TMEM92: variants seen among roughly 807,000 people sequenced by gnomAD.
TMEM92 encodes transmembrane protein 92.
A neutral mutation model predicts 14.6 loss-of-function variants in TMEM92; 15 were observed. The observed-to-expected ratio is 1.03, with a 90% CI of 0.69 to 1.58. TMEM92 has a LOEUF of 1.58. Ranked by LOEUF, TMEM92 falls within the 40% of genes most tolerant of loss-of-function variation. The pLI, the probability that TMEM92 is intolerant of heterozygous loss-of-function variation, is 0.00. For missense variants in TMEM92, 174 were observed against 202.4 expected (o/e 0.86, Z 0.85); for synonymous variants, 85 against 83.3 (o/e 1.02, Z -0.11).
rs1567789269 is a variant in TMEM92 at position 50,280,325 on chromosome 17, C to T, written c.*1017C>T. 1 of 152,210 alleles carries T rather than the reference C, an allele frequency of 6.6e-6. No homozygotes were observed. Among genetic ancestry groups the T allele is most frequent in the Non-Finnish European group, 1.5e-5 (1 of 68,064 alleles). The allele number at this position is 152,210 out of a possible 1,614,324, so 9.4% of individuals were successfully genotyped here. A position where few individuals can be genotyped will look rare whatever the true frequency, so the allele number is the denominator to read the frequency against. The stretch of plus-strand genomic sequence containing the variant: ...CTTGAACGGCCCCACCCTGGAATCT[C>T]CTACAGGAAGGTGAGGAGGTGGCAG... On this transcript the variant is annotated 3_prime_UTR_variant, in exon 5 of 5. Coordinates refer to ENST00000507382, the MANE Select transcript of TMEM92 (RefSeq NM_153229.3).
chr17:50,276,964 A>G (rs1237539660), intron 1 of TMEM92, among the ~76,000 whole-genome samples: 1 of 152,192 alleles, frequency 6.6e-6, no homozygotes, highest in African/African-American at 2.4e-5. Context: ...CCTTGCAGCC[A>G]CCTAGAAGAG....
chr17:50,271,936 A>C (rs961941283), upstream of TMEM92, among the ~76,000 whole-genome samples: 6 of 152,164 alleles, frequency 3.9e-5, no homozygotes, highest in Non-Finnish European at 1.5e-5. Flanking sequence ...GCTACTTGGG[A>C]GGCTGAAGCA....
upstream of TMEM92, among the ~76,000 whole-genome samples, chr17:50,273,208 C>G (rs1031018088): frequency 2.6e-5 from 4 of 152,320 alleles, no homozygotes; most frequent in East Asian, 1.9e-4. Flanking sequence ...CCCCTCTCCC[C>G]CTCCCGCGGT....
chr17:50,275,618 C>T (rs1014373164), intron 1 of TMEM92, among the ~76,000 whole-genome samples: 1 of 152,134 alleles, frequency 6.6e-6, no homozygotes, highest in Admixed American at 6.5e-5. Flanking sequence ...AGACTACCCC[C>T]TGGTTAAAAT....
upstream of TMEM92, among the ~76,000 whole-genome samples, chr17:50,272,575 G>A (rs1032688337): frequency 3.9e-5 from 6 of 152,180 alleles, no homozygotes; most frequent in African/African-American, 2.4e-5. Context: ...GGGAGACGGC[G>A]GCCCCTTCCC....
At chr17:50,279,106 C>T (rs892559220) in intron 4 of TMEM92, 89 bp from the exon 5 acceptor site, 17 of 1,465,332 alleles carry the variant, frequency 1.2e-5, no homozygotes, top group African/African-American at 2.8e-5. Context: ...TGGGTCACCC[C>T]TCTCCCTGGT....
rs558124433 is a variant in TMEM92, at chr17:50,281,115, G to A, written c.*1807G>A. 2.0e-5 allele frequency: 3 copies of A among 152,248 alleles called. No individual in the cohort carries two copies. The South Asian group carries it at 6.2e-4, about 32-fold the overall frequency. 9.4% of individuals were successfully genotyped at this position (152,248 alleles called of 1,614,324 possible). ...AACTCCTCCTAGGGAGTAGCAGAGT[G>A]GCCCTAGGGAAAGTGGCCATCCTGA... is the stretch of plus-strand genomic sequence containing the variant. On this transcript the variant is annotated 3_prime_UTR_variant, in exon 5 of 5. Coordinates refer to ENST00000507382, the MANE Select transcript of TMEM92 (RefSeq NM_153229.3).
chr17:50,273,417 C>T (rs1910318015), upstream of TMEM92, among the ~76,000 whole-genome samples: 1 of 152,358 alleles, frequency 6.6e-6, no homozygotes, highest in African/African-American at 2.4e-5. Flanking sequence ...ACTGGGGCGG[C>T]CTCCGCGGGG....
At chr17:50,273,956 T>C (rs1225366602), upstream of TMEM92, among the ~76,000 whole-genome samples, 3 of 147,416 alleles carry the variant, frequency 2.0e-5, no homozygotes, top group Admixed American at 1.4e-4. Context: ...ATCCCACCTC[T>C]TTTTAAATTT....
upstream of TMEM92, chr17:50,274,307 A>G (rs1228104057): frequency 1.7e-6 from 1 of 601,544 alleles, no homozygotes; most frequent in Non-Finnish European, 2.9e-6. Flanking sequence ...CTACCTCCCA[A>G]ATCCCAAAAC....
chr17:50,274,485 G>A lies in TMEM92; in HGVS notation c.-17G>A, dbSNP rs746901330. On this transcript the variant is annotated 5_prime_UTR_variant, in exon 1 of 5. The change creates a new upstream start codon in the 5' untranslated region. Coordinates refer to ENST00000507382, the MANE Select transcript of TMEM92 (RefSeq NM_153229.3). ...CGCCTTCTCTACACAGGAAAGCTCA[G>A]TGGCCCCCAAGCCAGGATGTCCCAA... 5.0e-6 allele frequency: 8 copies of A among 1,613,802 alleles called. No individual in the cohort carries two copies. The South Asian group carries it at 8.8e-5, about 18-fold the overall frequency.
upstream of TMEM92, among the ~76,000 whole-genome samples, chr17:50,273,692 C>T (rs1453243918): frequency 6.6e-6 from 1 of 152,230 alleles, no homozygotes; most frequent in African/African-American, 2.4e-5. Flanking sequence ...CTGTCCCTCC[C>T]TTTTTGGTCA....
chr17:50,274,376 C>G (rs558080238), upstream of TMEM92: 49 of 935,374 alleles, frequency 5.2e-5, no homozygotes, highest in African/African-American at 5.2e-4. Context: ...CTCCCTGCCC[C>G]GAGTCCGCCT....
chr17:50,277,690 C>G, intron 1 of TMEM92, 25 bp from the exon 2 acceptor site: 1 of 1,613,846 alleles, frequency 6.2e-7, no homozygotes, highest in Non-Finnish European at 8.5e-7. Context: ...TGACCCTGAC[C>G]CCCGACCTCT....
rs1910503715 is a variant in TMEM92, at chr17:50,278,538, TC to T, written c.96-17del. The T allele has an allele frequency of 6.2e-7, 1 of 1,613,518 alleles. No individual in the cohort carries two copies. Among genetic ancestry groups the T allele is most frequent in the Admixed American group, 1.7e-5 (1 of 59,864 alleles). ...TGCCAGCAACTTCTCCTTGCCCTTT[TC>T]TGTGCCCTCTGACCAGTGCCTGCCC... is the stretch of plus-strand genomic sequence containing the variant. On this transcript the variant is annotated splice_polypyrimidine_tract_variant and intron_variant, in intron 2 of 4. Coordinates refer to ENST00000507382, the MANE Select transcript of TMEM92 (RefSeq NM_153229.3).
intron 1 of TMEM92, among the ~76,000 whole-genome samples, chr17:50,277,398 T>C (rs1272756125): frequency 6.6e-6 from 1 of 151,246 alleles, no homozygotes; most frequent in African/African-American, 2.4e-5. Flanking sequence ...ATAAGGAAAG[T>C]CGCTAGTGCC....
At chr17:50,277,679 A>G (rs1159314562) in intron 1 of TMEM92, 36 bp from the exon 2 acceptor site, 1 of 1,613,612 alleles carries the variant, frequency 6.2e-7, no homozygotes, top group Non-Finnish European at 8.5e-7. Context: ...TCCCCAGTTT[A>G]TGACCCTGAC....
intron 2 of TMEM92, 117 bp from the exon 3 acceptor site, chr17:50,278,439 A>C: frequency 8.1e-6 from 9 of 1,106,906 alleles, no homozygotes; most frequent in Non-Finnish European, 1.2e-5. Context: ...CCACCCCACT[A>C]AGGGGTGGCT....
Position 50,279,115 on chromosome 17 carries a change from G to A in TMEM92, c.367-80G>A, listed in dbSNP as rs1404634990. On this transcript the variant is annotated intron_variant, in intron 4 of 4. Transcript: ENST00000507382. ...CAGCATTGGGTCACCCCTCTCCCTG[G>A]TAACCATGCCTCAGCTGGGATGGGG... 74 of 1,502,476 alleles carry A rather than the reference G, an allele frequency of 4.9e-5. 1 individual carries two copies. Among genetic ancestry groups the A allele is most frequent in the Admixed American group, 5.1e-5 (3 of 59,218 alleles). 93.1% of individuals were successfully genotyped at this position (1,502,476 alleles called of 1,614,324 possible). A position where few individuals can be genotyped will look rare whatever the true frequency, so the allele number is the denominator to read the frequency against.
Sources: gnomAD v4.1 joint callset for allele counts (sites outside exome capture counted in the v4.1 genomes callset) on GRCh38, gnomAD v4.1.1 for gene constraint, MANE v1.5 for transcripts, NCBI Gene and HGNC (gene_info 2026-07-23, HGNC 2026-07-21) for gene names.